Variants in BMP3 observed in about 807,000 individuals in gnomAD.
The protein encoded by BMP3 is bone morphogenetic protein 3 (osteogenic).
BMP3 carries 23 observed loss-of-function variants against 38.1 expected under a neutral mutation model. The observed-to-expected ratio is 0.60, with a 90% CI of 0.43 to 0.86. The LOEUF is 0.86. Among genes scored for constraint, BMP3 ranks in the 40% least tolerant of loss-of-function variants. The probability of loss-of-function intolerance (pLI) is 0.00; values close to 1 mark genes in which losing one functional copy is unlikely to be tolerated. For missense variants in BMP3, 628 were observed against 579.6 expected, an observed-to-expected ratio of 1.08 and a Z score of -0.86; for synonymous variants, 258 against 225.7, an observed-to-expected ratio of 1.14 and a Z score of -1.28.
At chr4:81,036,162 GT>G (rs1208473850) in intron 1 of BMP3, among the ~76,000 whole-genome samples, 2 of 151,572 alleles carry the variant, frequency 1.3e-5, no homozygotes, top group African/African-American at 2.4e-5. Flanking sequence ...AATATTCATT[GT>G]TTCACACAGG....
At chr4:81,043,709 T>G (rs1228641787) in intron 1 of BMP3, among the ~76,000 whole-genome samples, 3 of 151,412 alleles carry the variant, frequency 2.0e-5, no homozygotes, top group Non-Finnish European at 4.4e-5. Flanking sequence ...TGCCTCAGCC[T>G]CCCGAGTAGC....
In BMP3 at chr4:81,053,601, G is replaced by GTTTTTTT. The variant is rs60606505; in HGVS notation, c.*79_*85dup. The GTTTTTTT allele has an allele frequency of 4.7e-5, 17 of 358,026 alleles. No individual in the cohort carries two copies. The highest frequency in any genetic ancestry group is 1.2e-4 in the African/African-American group (4 of 33,810). The allele number at this position is 358,026 out of a possible 1,614,324, so 22.2% of individuals were successfully genotyped here. On this transcript the variant is annotated 3_prime_UTR_variant, in exon 3 of 3. Transcript: ENST00000282701. ...AGTTTATTTTTATGGACTTCTTCCT[G>GTTTTTTT]TTTTTTTTTTTTTTTTTTTTGCACT... is the stretch of plus-strand genomic sequence containing the variant.
At chr4:81,037,337 T>C (rs1451657570) in intron 1 of BMP3, 2 of 216,388 alleles carry the variant, frequency 9.2e-6, no homozygotes, top group Admixed American at 5.1e-5. Context: ...TGGTGTTAAG[T>C]GAAATGGTTT....
intron 1 of BMP3, among the ~76,000 whole-genome samples, chr4:81,038,070 T>C (rs1739969602): frequency 6.6e-6 from 1 of 152,186 alleles, no homozygotes; most frequent in Non-Finnish European, 1.5e-5. Context: ...AACCAGCCTC[T>C]TAAAATCTAG....
At chr4:81,052,082 T>G (rs1195930674) in intron 2 of BMP3, among the ~76,000 whole-genome samples, 1 of 152,058 alleles carries the variant, frequency 6.6e-6, no homozygotes, top group African/African-American at 2.4e-5. Flanking sequence ...AGTTTTAACT[T>G]GTTCCAGTTT....
In BMP3 at chr4:81,030,802, C is replaced by T. The variant is rs938608078; in HGVS notation, c.-483C>T. The stretch of plus-strand genomic sequence containing the variant: ...ACTAAAAAACTCGGACCAGCCGCGC[C>T]GCAGCTGCTCCAATCCCTGGAAAAG... On this transcript the variant is annotated 5_prime_UTR_variant, in exon 1 of 3. Coordinates refer to ENST00000282701, the MANE Select transcript of BMP3 (RefSeq NM_001201.5). 3.9e-5 allele frequency among the ~76,000 whole-genome samples: 6 copies of T among 152,124 alleles called. No individual in the cohort carries two copies. Among genetic ancestry groups the T allele is most frequent in the Non-Finnish European group, 7.4e-5 (5 of 68,006 alleles).
chr4:81,046,648 G>T lies in BMP3; in HGVS notation c.1227G>T (p.Lys409Asn). 1.2e-6 allele frequency: 2 copies of T among 1,608,034 alleles called. No homozygotes were observed. Among genetic ancestry groups the T allele is most frequent in the South Asian group, 1.1e-5 (1 of 89,970 alleles). Reference protein sequence around the residue: ...CSGACQFPMPKSLKPSNHATI... With the variant: ...CSGACQFPMPNSLKPSNHATI... ...GAGCATGCCAGTTCCCCATGCCAAA[G>T]GTAGCCATTGTTCTCTGTCCTGTAC... The change falls in exon 2 of 3, where the codon AAG (lysine) becomes AAT (asparagine). Residue 409 changes from lysine to asparagine, a missense_variant and splice_region_variant. Transcript: ENST00000282701.
intron 1 of BMP3, among the ~76,000 whole-genome samples, chr4:81,035,266 A>T (rs552429543): frequency 2.0e-5 from 3 of 152,190 alleles, no homozygotes; most frequent in East Asian, 3.9e-4. Context: ...AATTACATAT[A>T]AAAAAATTTA....
chr4:81,040,291 A>G (rs1332364238), intron 1 of BMP3, among the ~76,000 whole-genome samples: 3 of 152,234 alleles, frequency 2.0e-5, no homozygotes, highest in Non-Finnish European at 4.4e-5. Flanking sequence ...GGGGAAAGCT[A>G]GAAAACAAAG....
At chr4:81,034,579 T>A (rs1739870479) in intron 1 of BMP3, among the ~76,000 whole-genome samples, 1 of 152,160 alleles carries the variant, frequency 6.6e-6, no homozygotes, top group Admixed American at 6.5e-5. Flanking sequence ...GAAAAACAAT[T>A]AAAGCACACA....
At position 81,057,328 on chromosome 4, in the gene BMP3, C is replaced by A. The variant is rs1015705220; in HGVS notation, c.*3792C>A. On this transcript the variant is annotated 3_prime_UTR_variant, in exon 3 of 3. Transcript: ENST00000282701. ...TCCTTAATTATGATAATACTTTTAGCAAGAAAAATTCCTTTTTACTACAGT... is the reference window on the plus strand; with the variant it reads ...TCCTTAATTATGATAATACTTTTAGAAAGAAAAATTCCTTTTTACTACAGT... 7.2e-5 allele frequency: 11 copies of A among 151,988 alleles called. No individual in the cohort carries two copies. Among genetic ancestry groups the A allele is most frequent in the African/African-American group, 2.4e-4 (10 of 41,528 alleles). 9.4% of individuals were successfully genotyped at this position (151,988 alleles called of 1,614,324 possible).
chr4:81,046,880 G>A (rs1178938056), intron 2 of BMP3, among the ~76,000 whole-genome samples: 1 of 152,096 alleles, frequency 6.6e-6, no homozygotes, highest in African/African-American at 2.4e-5. Context: ...TATAAAGAAG[G>A]ATATGAGAAA....
chr4:81,034,282 A>G (rs1001507304), intron 1 of BMP3, among the ~76,000 whole-genome samples: 86 of 152,316 alleles, frequency 5.6e-4, no homozygotes, highest in African/African-American at 2.0e-3. Context: ...ACATAAAGAT[A>G]GGTTTTATCT....
chr4:81,031,463 T>C lies in BMP3; in HGVS notation c.179T>C (p.Met60Thr). 2 of 1,613,508 alleles carry C rather than the reference T, an allele frequency of 1.2e-6. 1 individual carries two copies. The highest frequency in any genetic ancestry group is 2.2e-5 in the South Asian group (2 of 90,974). Residue 60 changes from methionine (M) to threonine (T), a missense_variant, in exon 1 of 3, where the codon ATG becomes ACG. By Grantham distance (81) the Met-to-Thr change is moderately conservative (BLOSUM62 -1). Transcript: ENST00000282701. The part of the protein sequence containing the change: ...LQPQDKVSEH[M>T]LRLYDRYSTV... ...CCGCAAGACAAGGTCTCTGAACACA[T>C]GCTGCGGCTCTATGACAGGTACAGC...
rs60606505 is a variant in BMP3 at position 81,053,601 on chromosome 4, G to GTTT, written c.*83_*85dup. 5,229 of 355,778 alleles carry GTTT rather than the reference G, an allele frequency of 0.015. 39 individuals carry two copies. Among genetic ancestry groups the GTTT allele is most frequent in the African/African-American group, 0.024 (799 of 33,728 alleles). The allele number at this position is 355,778 out of a possible 1,614,324, so 22.0% of individuals were successfully genotyped here. A position where few individuals can be genotyped will look rare whatever the true frequency, so the allele number is the denominator to read the frequency against. On this transcript the variant is annotated 3_prime_UTR_variant, in exon 3 of 3. Coordinates refer to ENST00000282701, the MANE Select transcript of BMP3 (RefSeq NM_001201.5). ...AGTTTATTTTTATGGACTTCTTCCT[G>GTTT]TTTTTTTTTTTTTTTTTTTTGCACT...
rs757511731 is a variant in BMP3, at chr4:81,053,424, G to C, written c.1307G>C (p.Cys436Ser). 3 of 1,611,698 alleles carry C rather than the reference G, an allele frequency of 1.9e-6. No homozygotes were observed. Among genetic ancestry groups the C allele is most frequent in the Non-Finnish European group, 2.5e-6 (3 of 1,178,896 alleles). The change falls in exon 3 of 3, where the codon TGC becomes TCC. Residue 436 changes from cysteine to serine, a missense_variant. Transcript: ENST00000282701. ...VGVVPGIPEP[C>S]CVPEKMSSLS... is the part of the protein sequence containing the mutation. ...GTCGTTCCTGGGATTCCTGAGCCTT[G>C]CTGTGTACCAGAAAAGATGTCCTCA...
intron 1 of BMP3, among the ~76,000 whole-genome samples, chr4:81,039,045 A>C (rs6844572): frequency 1 from 152,157 of 152,346 alleles, 75,985 homozygotes; most frequent in Non-Finnish European, 1. Flanking sequence ...TGGGACTATG[A>C]AGGAGAAACA....
In BMP3 at chr4:81,045,837, T is replaced by A; in HGVS notation, c.416T>A (p.Leu139Gln). Residue 139 changes from leucine to glutamine, a missense_variant, in exon 2 of 3, where the codon CTA (leucine) becomes CAA (glutamine). Transcript: ENST00000282701. ...SATLYFCIGELGNISLSCPVS... is the reference protein window; with the variant it reads ...SATLYFCIGEQGNISLSCPVS... ...ACACTGTATTTCTGTATTGGAGAGCTAGGAAACATCAGCCTGAGTTGTCCA... is the reference window on the plus strand; with the variant it reads ...ACACTGTATTTCTGTATTGGAGAGCAAGGAAACATCAGCCTGAGTTGTCCA... 6.2e-7 allele frequency: 1 copy of A among 1,614,132 alleles called. No homozygotes were observed. The highest frequency in any genetic ancestry group is 1.1e-5 in the South Asian group (1 of 91,088).
chr4:81,032,564 A>G (rs1183080270), intron 1 of BMP3, among the ~76,000 whole-genome samples: 2 of 152,230 alleles, frequency 1.3e-5, no homozygotes, highest in African/African-American at 4.8e-5. Flanking sequence ...TACATTCATG[A>G]TAAGGGGAAA....
Sources: allele counts gnomAD v4.1 joint callset (sites outside exome capture counted in the v4.1 genomes callset), GRCh38; gene constraint gnomAD v4.1.1; transcripts MANE v1.5; gene names NCBI Gene and HGNC (gene_info 2026-07-23, HGNC 2026-07-21).